BDKRB2: variants seen among roughly 807,000 people sequenced by gnomAD.
BDKRB2 encodes the protein bradykinin receptor B2, also known as B2 bradykinin receptor.
In BDKRB2, 6 loss-of-function variants were observed where a neutral mutation model predicts 4.0. That is an observed-to-expected ratio of 1.49 (90% CI 0.81 to 2.93). The LOEUF is 2.93. Ranked by LOEUF, BDKRB2 falls within the 30% of genes most tolerant of loss-of-function variation. BDKRB2 has a pLI of 0.00. For synonymous variants in BDKRB2, 225 were observed against 215.3 expected (o/e 1.05, Z -0.40); for missense variants, 478 against 520.1 (o/e 0.92, Z 0.79).
At position 96,240,217 on chromosome 14, in the gene BDKRB2, G is replaced by A. The variant is rs1885236936; in HGVS notation, c.75-186G>A. On this transcript the variant is annotated intron_variant, in intron 2 of 2. Coordinates refer to ENST00000554311, the MANE Select transcript of BDKRB2 (RefSeq NM_001379692.1). ...CCCCCGTTTAGATCCAAGGATCAGA[G>A]GGGGCTCTGTAAGACCCAGGGGAGT... 3.8e-6 allele frequency: 5 copies of A among 1,302,928 alleles called. No homozygotes were observed. The South Asian group carries it at 1.6e-4, about 41-fold the overall frequency. 80.7% of individuals were successfully genotyped at this position (1,302,928 alleles called of 1,614,324 possible).
At chr14:96,222,949 A>G (rs1185523679) in intron 1 of BDKRB2, among the ~76,000 whole-genome samples, 1 of 151,914 alleles carries the variant, frequency 6.6e-6, no homozygotes, top group African/African-American at 2.4e-5. Flanking sequence ...TTATAGTTCT[A>G]TTGGACATCA....
chr14:96,208,669 G>T (rs997726961), intron 1 of BDKRB2, among the ~76,000 whole-genome samples: 12 of 152,198 alleles, frequency 7.9e-5, no homozygotes, highest in Non-Finnish European at 1.6e-4. Context: ...TAAGGCCATG[G>T]CCGCTTAAGG....
chr14:96,220,724 C>T (rs552284010), intron 1 of BDKRB2, among the ~76,000 whole-genome samples: 12 of 151,850 alleles, frequency 7.9e-5, no homozygotes, highest in South Asian at 4.2e-4. Context: ...TCAGCCCCCT[C>T]GCTTCCTGCT....
intron 1 of BDKRB2, among the ~76,000 whole-genome samples, chr14:96,216,717 AGG>A: frequency 1.3e-5 from 1 of 79,682 alleles, no homozygotes. Flanking sequence ...GAGGAGGAAG[AGG>A]AAGGAGGAGG....
At chr14:96,223,267 T>A in intron 1 of BDKRB2, 1 of 1,047,918 alleles carries the variant, frequency 9.5e-7, no homozygotes, top group Non-Finnish European at 1.5e-6. Flanking sequence ...GAGTCAGGGA[T>A]GGGTCCATAA....
intron 1 of BDKRB2, among the ~76,000 whole-genome samples, chr14:96,226,030 G>C (rs1404789079): frequency 6.6e-6 from 1 of 152,204 alleles, no homozygotes; most frequent in East Asian, 1.9e-4. Context: ...CCCAGCCTGA[G>C]CTGTTCCTTA....
intron 2 of BDKRB2, 123 bp downstream of exon 2, chr14:96,237,304 C>T: frequency 1.1e-6 from 1 of 929,594 alleles, no homozygotes; most frequent in Non-Finnish European, 1.7e-6. Context: ...GATGTTAAGC[C>T]CAAAGACAAA....
intron 1 of BDKRB2, 114 bp from the exon 2 acceptor site, chr14:96,236,955 C>A (rs972496504): frequency 2.9e-6 from 2 of 693,822 alleles, no homozygotes; most frequent in East Asian, 2.5e-5. Context: ...ACTTCACAAA[C>A]GTCCATTGAG....
chr14:96,239,641 T>A, intron 2 of BDKRB2: 2 of 963,564 alleles, frequency 2.1e-6, no homozygotes, highest in Non-Finnish European at 2.5e-6. Context: ...TTGCACATTG[T>A]CTCTGATCCC....
chr14:96,216,613 A>T (rs935503452), intron 1 of BDKRB2, among the ~76,000 whole-genome samples: 2 of 150,560 alleles, frequency 1.3e-5, no homozygotes, highest in African/African-American at 5.0e-5. Context: ...ACAGAGCAAG[A>T]TCCTGTTTCA....
At position 96,222,990 on chromosome 14, in the gene BDKRB2, A is replaced by T. The variant is rs1236542028; in HGVS notation, c.-39-14079A>T. 6.3e-6 allele frequency: 4 copies of T among 638,310 alleles called. No individual in the cohort carries two copies. In the Admixed American group the frequency reaches 1.0e-4, roughly 16 times the overall value. The allele number at this position is 638,310 out of a possible 1,614,324, so 39.5% of individuals were successfully genotyped here. ...CGCTCTAGGCTATGGAAAATTCTGTAGAACAAACAACTGGAAGTTGGAAGA... is the reference window on the plus strand; with the variant it reads ...CGCTCTAGGCTATGGAAAATTCTGTTGAACAAACAACTGGAAGTTGGAAGA... On this transcript the variant is annotated intron_variant, in intron 1 of 2. Transcript: ENST00000554311.
intron 2 of BDKRB2, chr14:96,238,023 G>A (rs1890977898): frequency 8.6e-7 from 1 of 1,164,240 alleles, no homozygotes; most frequent in South Asian, 1.7e-5. Flanking sequence ...TTGGACCAAG[G>A]GGACTACCCA....
At chr14:96,227,666 AACACACGTGTGCACACAAAC>A (rs981194915) in intron 1 of BDKRB2, among the ~76,000 whole-genome samples, 1 of 149,576 alleles carries the variant, frequency 6.7e-6, no homozygotes, top group African/African-American at 2.5e-5. Flanking sequence ...CATGTGCACA[AACACACGTGTGCACACAAAC>A]ACACACATGC....
chr14:96,217,905 C>T (rs1402062149), intron 1 of BDKRB2, among the ~76,000 whole-genome samples: 1 of 152,104 alleles, frequency 6.6e-6, no homozygotes, highest in Non-Finnish European at 1.5e-5. Flanking sequence ...CACAATCAAC[C>T]CGGCTCTTTC....
rs749848603 is a variant in BDKRB2, at chr14:96,241,217, C to T, written c.889C>T (p.Arg297Cys). 12 of 1,609,218 alleles carry T rather than the reference C, an allele frequency of 7.5e-6. No individual in the cohort carries two copies. Among genetic ancestry groups the T allele is most frequent in the Middle Eastern group, 1.6e-4 (1 of 6,068 alleles). The change falls in exon 3 of 3, where the codon CGC (arginine) becomes TGC (cysteine). Residue 297 changes from arginine to cysteine, a missense_variant. Coordinates refer to ENST00000554311, the MANE Select transcript of BDKRB2 (RefSeq NM_001379692.1). ...QISTFLDTLH[R>C]LGILSSCQDE... ...CAGCACCTTCCTGGATACGCTGCAT[C>T]GCCTCGGCATCCTCTCCAGCTGCCA...
At chr14:96,218,337 A>G (rs1289789504) in intron 1 of BDKRB2, among the ~76,000 whole-genome samples, 2 of 152,086 alleles carry the variant, frequency 1.3e-5, no homozygotes, top group Non-Finnish European at 2.9e-5. Context: ...ATGGTTTACA[A>G]AGCGCTTTTG....
intron 1 of BDKRB2, among the ~76,000 whole-genome samples, 196 bp downstream of exon 1, chr14:96,205,155 T>A (rs1595242426): frequency 6.6e-6 from 1 of 152,240 alleles, no homozygotes; most frequent in East Asian, 1.9e-4. Context: ...GCAGGAGGAA[T>A]CGCCCTGTTT....
intron 1 of BDKRB2, among the ~76,000 whole-genome samples, chr14:96,235,907 T>G (rs548182384): frequency 6.6e-6 from 1 of 152,296 alleles, no homozygotes; most frequent in African/African-American, 2.4e-5. Flanking sequence ...CTTGGTGTCC[T>G]GGAGAGAGTG....
At chr14:96,218,688 C>T (rs1206475853) in intron 1 of BDKRB2, among the ~76,000 whole-genome samples, 5 of 152,240 alleles carry the variant, frequency 3.3e-5, no homozygotes, top group African/African-American at 1.2e-4. Flanking sequence ...GAGTCCAGGG[C>T]AGGCAGATCA....
Sources: gnomAD v4.1 joint callset for allele counts (sites outside exome capture counted in the v4.1 genomes callset) on GRCh38, gnomAD v4.1.1 for gene constraint, MANE v1.5 for transcripts, NCBI Gene and HGNC (gene_info 2026-07-23, HGNC 2026-07-21) for gene names.